GAL3ST2: variants seen among roughly 807,000 people sequenced by gnomAD.
GAL3ST2 encodes the protein beta-galactose-3-O-sulfotransferase 2.
Under a neutral mutation model 12.9 loss-of-function variants are expected in GAL3ST2, and 16 were observed. The observed-to-expected ratio is 1.24, with a 90% CI of 0.84 to 1.88. The LOEUF (loss-of-function observed/expected upper bound fraction) is 1.88. Ranked by LOEUF, GAL3ST2 falls within the 40% of genes most tolerant of loss-of-function variation. The probability of loss-of-function intolerance (pLI) is 0.00; values close to 1 mark genes in which losing one functional copy is unlikely to be tolerated. For synonymous variants in GAL3ST2, 302 were observed against 273.9 expected (o/e 1.10, Z -1.01); for missense variants, 639 against 571.8 (o/e 1.12, Z -1.20).
At chr2:241,782,592 C>G (rs868587988) in intron 1 of GAL3ST2, among the ~76,000 whole-genome samples, 1 of 152,200 alleles carries the variant, frequency 6.6e-6, no homozygotes, top group South Asian at 2.1e-4. Flanking sequence ...TCCCAAAGTG[C>G]TGGGATTACA....
In GAL3ST2 at chr2:241,793,061, GTC is replaced by G. The variant is rs1426891657; in HGVS notation, c.30-6001_30-6000del. On this transcript the variant is annotated intron_variant, in intron 1 of 3. Coordinates refer to ENST00000192314, the MANE Select transcript of GAL3ST2 (RefSeq NM_022134.3). This position sits in a 1 kb window ranked among gnomAD's most constrained non-coding sequence, Gnocchi z 4.7. The stretch of plus-strand genomic sequence containing the variant: ...GTTCGTCCTGCATATGCGGACTGAT[GTC>G]TCATGTCTCCCTACAATGTATAAAG... Among the ~76,000 whole-genome samples, 4 of 152,188 alleles carry G rather than the reference GTC, an allele frequency of 2.6e-5. No individual in the cohort carries two copies. The highest frequency in any genetic ancestry group is 2.0e-4 in the Admixed American group (3 of 15,282).
At chr2:241,783,467 C>T (rs566737891) in intron 1 of GAL3ST2, among the ~76,000 whole-genome samples, 8 of 151,866 alleles carry the variant, frequency 5.3e-5, no homozygotes, top group African/African-American at 1.7e-4. Flanking sequence ...TATCTTGTTT[C>T]GTACATAAAC....
At chr2:241,788,815 A>G (rs1029094250) in intron 1 of GAL3ST2, among the ~76,000 whole-genome samples, 7 of 152,048 alleles carry the variant, frequency 4.6e-5, no homozygotes, top group African/African-American at 1.7e-4. Flanking sequence ...AGAAACTGAG[A>G]CTCATAAGAG....
chr2:241,786,853 T>C (rs115800278), intron 1 of GAL3ST2, among the ~76,000 whole-genome samples: 1 of 152,116 alleles, frequency 6.6e-6, no homozygotes, highest in Non-Finnish European at 1.5e-5. Context: ...TTGAGATAGG[T>C]CTACAAAAGG....
chr2:241,779,962 G>T (rs1243919829), intron 1 of GAL3ST2, among the ~76,000 whole-genome samples: 1 of 151,454 alleles, frequency 6.6e-6, no homozygotes, highest in Non-Finnish European at 1.5e-5. Context: ...CTCCAGCCTG[G>T]GCAACAAGAG....
At chr2:241,792,083 G>A (rs746489645) in intron 1 of GAL3ST2, among the ~76,000 whole-genome samples, 13 of 146,620 alleles carry the variant, frequency 8.9e-5, no homozygotes, top group Non-Finnish European at 1.8e-4. Flanking sequence ...GCATGATCTC[G>A]GCTCACTGCA....
At position 241,803,663 on chromosome 2, in the gene GAL3ST2, G is replaced by T; in HGVS notation, c.694G>T (p.Glu232Ter). 6.5e-7 allele frequency: 1 copy of T among 1,549,264 alleles called. No individual in the cohort carries two copies. Among genetic ancestry groups the T allele is most frequent in the African/African-American group, 1.4e-5 (1 of 73,166 alleles). ...RLVLIAEHLDESLVLLRRRLR... is the reference protein window; with the variant it reads ...RLVLIAEHLD The stretch of plus-strand genomic sequence containing the variant: ...GGTGCTCATCGCCGAGCACCTGGAC[G>T]AGTCCCTGGTGCTGCTGCGGCGCCG... The change falls in exon 4 of 4, where the codon GAG (glutamate) becomes TAG (stop). Residue 232 changes from glutamate to a stop codon, truncating the protein, a stop_gained. Coordinates refer to ENST00000192314, the MANE Select transcript of GAL3ST2 (RefSeq NM_022134.3). LOFTEE classifies it low-confidence loss of function (END_TRUNC).
In GAL3ST2 at chr2:241,803,957, A is replaced by G. The variant is rs371452957; in HGVS notation, c.988A>G (p.Asn330Asp). Residue 330 changes from asparagine (N) to aspartate (D), a missense_variant, in exon 4 of 4, where the codon AAC becomes GAC. Asn to Asp is a conservative substitution (Grantham distance 23, BLOSUM62 1). Transcript: ENST00000192314. ...LCLQDGGALK[N>D]HTQIRDPRLR... ...CCTGCAGGACGGCGGCGCGCTCAAGAACCACACGCAGATCAGAGACCCGCG... is the reference window on the plus strand; with the variant it reads ...CCTGCAGGACGGCGGCGCGCTCAAGGACCACACGCAGATCAGAGACCCGCG... The G allele has an allele frequency of 6.6e-5, 99 of 1,497,410 alleles. No individual in the cohort carries two copies. In the African/African-American group the frequency reaches 1.3e-3, roughly 20 times the overall value. The allele number at this position is 1,497,410 out of a possible 1,614,324, so 92.8% of individuals were successfully genotyped here. A position where few individuals can be genotyped will look rare whatever the true frequency, so the allele number is the denominator to read the frequency against.
rs141828605 is a variant in GAL3ST2 at position 241,803,397 on chromosome 2, C to T, written c.428C>T (p.Pro143Leu). Reference protein sequence around the residue: ...DTFYFSILRNPVFQLESSFIY... With the variant: ...DTFYFSILRNLVFQLESSFIY... ...TTCTACTTCTCCATCCTGAGGAACCCCGTGTTCCAGCTGGAGTCCTCCTTC... is the reference window on the plus strand; with the variant it reads ...TTCTACTTCTCCATCCTGAGGAACCTCGTGTTCCAGCTGGAGTCCTCCTTC... The change falls in exon 4 of 4, where the codon CCC becomes CTC. Residue 143 changes from proline to leucine, a missense_variant. Coordinates refer to ENST00000192314, the MANE Select transcript of GAL3ST2 (RefSeq NM_022134.3). 3,991 of 1,612,654 alleles carry T rather than the reference C, an allele frequency of 2.5e-3. 10 individuals are homozygous for T. The highest frequency in any genetic ancestry group is 3.0e-3 in the Non-Finnish European group (3,537 of 1,179,400).
chr2:241,800,527 C>G lies in GAL3ST2; in HGVS notation c.120-1254C>G, dbSNP rs982508508. ...ACCCACGTTCACCTTGGGGTGGAGACTGCACATCTAACTGCGTTACAATCA... is the reference window on the plus strand; with the variant it reads ...ACCCACGTTCACCTTGGGGTGGAGAGTGCACATCTAACTGCGTTACAATCA... On this transcript the variant is annotated intron_variant, in intron 2 of 3. Transcript: ENST00000192314. The surrounding 1 kb of genome is among the most constrained non-coding windows in gnomAD (Gnocchi z 5.2). 6.6e-6 allele frequency among the ~76,000 whole-genome samples: 1 copy of G among 152,226 alleles called. No individual in the cohort carries two copies. The highest frequency in any genetic ancestry group is 1.5e-5 in the Non-Finnish European group (1 of 68,046).
intron 1 of GAL3ST2, among the ~76,000 whole-genome samples, chr2:241,794,552 C>A (rs759989701): frequency 4.6e-5 from 7 of 152,238 alleles, no homozygotes; most frequent in Admixed American, 1.3e-4. Flanking sequence ...ATCAGCCCCA[C>A]CAACCTGCCC....
chr2:241,799,371 G>A (rs1487201723), intron 2 of GAL3ST2, among the ~76,000 whole-genome samples: 2 of 152,192 alleles, frequency 1.3e-5, no homozygotes, highest in Admixed American at 6.5e-5. Flanking sequence ...GCAGGGGCCG[G>A]GTCTGGGTTT....
intron 1 of GAL3ST2, among the ~76,000 whole-genome samples, chr2:241,789,435 TA>T (rs1699670598): frequency 6.6e-6 from 1 of 152,278 alleles, no homozygotes; most frequent in African/African-American, 2.4e-5. Context: ...CCTTACTATG[TA>T]AATTTTGCTA....
At chr2:241,779,213 C>CTT (rs1559411538) in intron 1 of GAL3ST2, among the ~76,000 whole-genome samples, 1 of 97,146 alleles carries the variant, frequency 1.0e-5, no homozygotes, top group African/African-American at 4.1e-5. Context: ...TAGGAAAGCT[C>CTT]ATTTTTTTTT....
At chr2:241,798,707 C>G (rs1197444371) in intron 1 of GAL3ST2, among the ~76,000 whole-genome samples, 2 of 152,148 alleles carry the variant, frequency 1.3e-5, no homozygotes, top group Non-Finnish European at 2.9e-5. Context: ...CCGTCCCATA[C>G]AGTCTCCCAG....
rs926716925 is a variant in GAL3ST2 at position 241,803,886 on chromosome 2, A to G, written c.917A>G (p.Glu306Gly). Residue 306 changes from glutamate (E) to glycine (G), a missense_variant, in exon 4 of 4, where the codon GAG becomes GGG. Physicochemically the swap from Glu to Gly is moderately conservative, Grantham distance 98 (BLOSUM62 -2). Transcript: ENST00000192314. ...CTGGGGCCGCGGCGGCTGCGCGGGG[A>G]GGTGGAGCGGCTGCGCGCCCGGAGG... Reference protein sequence around the residue: ...AELGPRRLRGEVERLRARRRE... With the variant: ...AELGPRRLRGGVERLRARRRE... 4.9e-6 allele frequency: 7 copies of G among 1,419,122 alleles called. No individual in the cohort carries two copies. In the African/African-American group the frequency reaches 1.1e-4, roughly 22 times the overall value. The allele number at this position is 1,419,122 out of a possible 1,614,324, so 87.9% of individuals were successfully genotyped here. A position where few individuals can be genotyped will look rare whatever the true frequency, so the allele number is the denominator to read the frequency against.
chr2:241,787,648 C>G (rs1009334696), intron 1 of GAL3ST2, among the ~76,000 whole-genome samples: 3 of 151,282 alleles, frequency 2.0e-5, no homozygotes, highest in Non-Finnish European at 4.4e-5. Context: ...TTTGAGCTCA[C>G]TTCCAACAGA....
At chr2:241,780,175 A>G (rs1291055733) in intron 1 of GAL3ST2, among the ~76,000 whole-genome samples, 1 of 152,210 alleles carries the variant, frequency 6.6e-6, no homozygotes, top group African/African-American at 2.4e-5. Flanking sequence ...TAAAAATTGA[A>G]AAACATTAGG....
rs766086949 is a variant in GAL3ST2 at position 241,802,044 on chromosome 2, G to A, written c.375+8G>A. 2 of 1,602,836 alleles carry A rather than the reference G, an allele frequency of 1.2e-6. No homozygotes were observed. Among genetic ancestry groups the A allele is most frequent in the South Asian group, 1.1e-5 (1 of 89,756 alleles). ...AGGTTCAACCTGCCTCAGGTACCGCGGGCCTGCTGGGGAGGAGGGCGGGCT... is the reference window on the plus strand; with the variant it reads ...AGGTTCAACCTGCCTCAGGTACCGCAGGCCTGCTGGGGAGGAGGGCGGGCT... On this transcript the variant is annotated splice_region_variant and intron_variant, in intron 3 of 3. Coordinates refer to ENST00000192314, the MANE Select transcript of GAL3ST2 (RefSeq NM_022134.3). This position sits in a 1 kb window ranked among gnomAD's most constrained non-coding sequence, Gnocchi z 4.8.
Sources: allele counts gnomAD v4.1 joint callset (sites outside exome capture counted in the v4.1 genomes callset), GRCh38; gene constraint gnomAD v4.1.1; non-coding constraint Gnocchi (gnomAD v3.1); transcripts MANE v1.5; gene names NCBI Gene and HGNC (gene_info 2026-07-23, HGNC 2026-07-21).